GSTCD: variants seen among roughly 807,000 people sequenced by gnomAD.
GSTCD encodes the protein glutathione S-transferase C-terminal domain containing, also known as glutathione S-transferase C-terminal domain-containing protein.
A neutral mutation model predicts 68.3 loss-of-function variants in GSTCD; 44 were observed. The observed-to-expected ratio is 0.64, with a 90% CI of 0.51 to 0.83. The LOEUF is 0.83. Ranked by LOEUF, GSTCD falls within the 40% of genes least tolerant of loss-of-function variation. The pLI, the probability that GSTCD is intolerant of heterozygous loss-of-function variation, is 0.00. For synonymous variants in GSTCD, 273 were observed against 255.2 expected (o/e 1.07, Z -0.67); for missense variants, 739 against 735.9 (o/e 1.00, Z -0.05).
chr4:105,732,485 G>T (rs530187226), intron 5 of GSTCD, among the ~76,000 whole-genome samples: 68 of 152,204 alleles, frequency 4.5e-4, no homozygotes, highest in African/African-American at 1.6e-3. Flanking sequence ...GCATAGAGGT[G>T]TTTATAGTAT....
chr4:105,758,126 A>G (rs1460863651), intron 5 of GSTCD, among the ~76,000 whole-genome samples: 1 of 152,214 alleles, frequency 6.6e-6, no homozygotes, highest in Non-Finnish European at 1.5e-5. Context: ...GCTGATTTTT[A>G]ATGGTTCCAT....
At chr4:105,820,202 G>C (rs1723219394) in intron 5 of GSTCD, among the ~76,000 whole-genome samples, 1 of 151,134 alleles carries the variant, frequency 6.6e-6, no homozygotes, top group South Asian at 2.1e-4. Context: ...CTTCCCCCTT[G>C]CTTAAAAATT....
intron 7 of GSTCD, among the ~76,000 whole-genome samples, chr4:105,824,652 C>G (rs895686830): frequency 4.6e-5 from 7 of 152,194 alleles, no homozygotes; most frequent in African/African-American, 9.7e-5. Context: ...ACTGGTTTCT[C>G]TGCCCTCTGG....
chr4:105,761,068 G>T (rs950157507), intron 5 of GSTCD: 7 of 200,982 alleles, frequency 3.5e-5, no homozygotes, highest in African/African-American at 1.0e-4. Context: ...CAGTGGTGTA[G>T]TCTCGGCTCA....
intron 5 of GSTCD, among the ~76,000 whole-genome samples, chr4:105,806,854 G>A (rs1041527847): frequency 6.6e-6 from 1 of 151,954 alleles, no homozygotes; most frequent in African/African-American, 2.4e-5. Context: ...TCCCATTTAA[G>A]CCCATGTCTC....
chr4:105,761,412 A>C (rs1361581603), intron 5 of GSTCD: 2 of 152,338 alleles, frequency 1.3e-5, no homozygotes, highest in Middle Eastern at 6.8e-3. Context: ...AGTAAGTAAC[A>C]TTCTAGAGTA....
intron 5 of GSTCD, among the ~76,000 whole-genome samples, chr4:105,809,376 T>G (rs139111114): frequency 6.6e-6 from 1 of 152,200 alleles, no homozygotes; most frequent in Admixed American, 6.6e-5. Flanking sequence ...GAGACTACTG[T>G]ATACTTGTTA....
intron 3 of GSTCD, 134 bp downstream of exon 3, chr4:105,719,661 A>T: frequency 3.0e-6 from 2 of 665,300 alleles, no homozygotes; most frequent in Non-Finnish European, 5.2e-6. Context: ...CCATTTTCTT[A>T]TCTGTAAAAT....
At chr4:105,760,089 C>T (rs990817934) in intron 5 of GSTCD, among the ~76,000 whole-genome samples, 21 of 150,094 alleles carry the variant, frequency 1.4e-4, no homozygotes, top group African/African-American at 5.2e-4. Flanking sequence ...GTCCAAAAAA[C>T]TGTGTCTTAT....
intron 5 of GSTCD, among the ~76,000 whole-genome samples, chr4:105,733,276 T>C (rs563134274): frequency 1.8e-4 from 28 of 152,330 alleles, no homozygotes; most frequent in African/African-American, 6.3e-4. Flanking sequence ...CTGTCTAATG[T>C]TGACAGTGGG....
chr4:105,764,172 A>T (rs1346979696), intron 5 of GSTCD, among the ~76,000 whole-genome samples: 1 of 152,182 alleles, frequency 6.6e-6, no homozygotes, highest in African/African-American at 2.4e-5. Flanking sequence ...GTATTTAGTT[A>T]TATATATGCT....
intron 5 of GSTCD, among the ~76,000 whole-genome samples, chr4:105,736,324 T>C (rs1277145929): frequency 6.6e-6 from 1 of 152,176 alleles, no homozygotes; most frequent in Non-Finnish European, 1.5e-5. Flanking sequence ...TCTGTGGTAA[T>C]CTTGTGGGGC....
intron 5 of GSTCD, among the ~76,000 whole-genome samples, chr4:105,819,817 T>G (rs1282279215): frequency 6.6e-6 from 1 of 151,666 alleles, no homozygotes; most frequent in African/African-American, 2.4e-5. Flanking sequence ...TGCTCTTGAT[T>G]TTTTTACCTT....
At chr4:105,715,408 A>C (rs191221555) in intron 1 of GSTCD, among the ~76,000 whole-genome samples, 1 of 152,296 alleles carries the variant, frequency 6.6e-6, no homozygotes, top group East Asian at 1.9e-4. Flanking sequence ...AGAAAATGGC[A>C]TCTGTAAGTT....
chr4:105,739,547 G>A (rs774007837), intron 5 of GSTCD, among the ~76,000 whole-genome samples: 5 of 152,268 alleles, frequency 3.3e-5, no homozygotes, highest in South Asian at 2.1e-4. Flanking sequence ...CTCATAATTG[G>A]TCTATTTCTA....
chr4:105,809,722 A>G (rs150952088), intron 5 of GSTCD, among the ~76,000 whole-genome samples: 124 of 151,892 alleles, frequency 8.2e-4, no homozygotes, highest in Middle Eastern at 3.4e-3. Flanking sequence ...AATTCTTAGT[A>G]TTCTATTAAT....
At chr4:105,734,716 C>A (rs1483537737) in intron 5 of GSTCD, among the ~76,000 whole-genome samples, 2 of 152,214 alleles carry the variant, frequency 1.3e-5, no homozygotes, top group Non-Finnish European at 2.9e-5. Flanking sequence ...TGTTCTATTG[C>A]TGGGTAGGAG....
At chr4:105,729,568 C>T (rs1391841116) in intron 5 of GSTCD, 69 bp downstream of exon 5, 1 of 974,136 alleles carries the variant, frequency 1.0e-6, no homozygotes, top group African/African-American at 1.6e-5. Context: ...TCTTCTAATT[C>T]TCTAAATCTC....
intron 5 of GSTCD, among the ~76,000 whole-genome samples, chr4:105,749,338 C>T (rs1192278951): frequency 1.3e-5 from 2 of 151,734 alleles, no homozygotes; most frequent in African/African-American, 4.8e-5. Flanking sequence ...TAGTTTTTAT[C>T]AAAATCTGAA....
Sources: gnomAD v4.1 joint callset for allele counts (sites outside exome capture counted in the v4.1 genomes callset) on GRCh38, gnomAD v4.1.1 for gene constraint, MANE v1.5 for transcripts, NCBI Gene and HGNC (gene_info 2026-07-23, HGNC 2026-07-21) for gene names.